Variants in PRR12 observed in about 807,000 individuals in gnomAD.
PRR12 encodes the protein proline-rich protein 12.
Under a neutral mutation model 138.0 loss-of-function variants are expected in PRR12, and 12 were observed. The ratio of observed to expected loss-of-function variants is 0.09; its 90% confidence interval spans 0.06 to 0.14. The LOEUF (loss-of-function observed/expected upper bound fraction) is 0.14. Among genes scored for constraint, PRR12 ranks in the 10% least tolerant of loss-of-function variants. The probability of loss-of-function intolerance (pLI) is 1.00; values close to 1 mark genes in which losing one functional copy is unlikely to be tolerated. For missense variants in PRR12, 2,692 were observed against 2,861.3 expected (o/e 0.94, Z 1.35); for synonymous variants, 1,567 against 1,291.7 (o/e 1.21, Z -4.57).
At position 49,597,517 on chromosome 19, in the gene PRR12, C is replaced by T. The variant is rs1230141342; in HGVS notation, c.3182C>T (p.Ser1061Leu). 2.6e-6 allele frequency: 4 copies of T among 1,557,832 alleles called. No homozygotes were observed. The highest frequency in any genetic ancestry group is 1.4e-5 in the African/African-American group (1 of 73,174). ...TCCGAACCCAAGGGTGGCCTCACCT[C>T]GCCCATCTTCTGCTCTACCAAGCCA... ...PASEPKGGLTSPIFCSTKPKK... is the reference protein window; with the variant it reads ...PASEPKGGLTLPIFCSTKPKK... Residue 1061 changes from serine to leucine, a missense_variant, in exon 4 of 14, where the codon TCG (serine) becomes TTG (leucine). By Grantham distance (145) the Ser-to-Leu change is moderately radical. This residue lies in a region of PRR12 where 840 missense variants were observed against 689.8 expected (regional missense o/e 1.22). Transcript: ENST00000418929. This position sits in a 1 kb window ranked among gnomAD's most constrained non-coding sequence, Gnocchi z 6.3.
intron 5 of PRR12, 88 bp downstream of exon 5, chr19:49,600,026 G>T: frequency 7.5e-7 from 1 of 1,331,006 alleles, no homozygotes; most frequent in South Asian, 1.5e-5. Flanking sequence ...CACTGTTTAA[G>T]AGACACCATT....
Position 49,597,521 on chromosome 19 carries a change from C to G in PRR12, c.3186C>G (p.Pro1062=), listed in dbSNP as rs749634586. 7.7e-6 allele frequency: 12 copies of G among 1,561,090 alleles called. No homozygotes were observed. In the East Asian group the frequency reaches 2.9e-4, roughly 38 times the overall value. ...ASEPKGGLTS[P]IFCSTKPKKL... is the part of the protein sequence containing the mutation. ...AACCCAAGGGTGGCCTCACCTCGCC[C>G]ATCTTCTGCTCTACCAAGCCAAAGA... is the stretch of plus-strand genomic sequence containing the variant. The change falls in exon 4 of 14, where the codon CCC becomes CCG. Residue 1062 remains proline (P), a synonymous_variant. Coordinates refer to ENST00000418929, the MANE Select transcript of PRR12 (RefSeq NM_020719.3). This position sits in a 1 kb window ranked among gnomAD's most constrained non-coding sequence, Gnocchi z 6.3.
At position 49,597,704 on chromosome 19, in the gene PRR12, C is replaced by A. The variant is rs764097635; in HGVS notation, c.3369C>A (p.Asp1123Glu). 6.2e-7 allele frequency: 1 copy of A among 1,606,844 alleles called. No homozygotes were observed. The highest frequency in any genetic ancestry group is 8.5e-7 in the Non-Finnish European group (1 of 1,177,862). The change falls in exon 4 of 14, where the codon GAC becomes GAA. Residue 1123 changes from aspartate (D) to glutamate (E), a missense_variant. Asp to Glu is a conservative substitution (Grantham distance 45, BLOSUM62 2). Around this residue, in one of 11 missense-constraint regions of PRR12, gnomAD observed 326 missense variants for 344.2 expected, o/e 0.95. Coordinates refer to ENST00000418929, the MANE Select transcript of PRR12 (RefSeq NM_020719.3). The surrounding 1 kb of genome is among the most constrained non-coding windows in gnomAD (Gnocchi z 6.3). Reference protein sequence around the residue: ...DIRLNPRRLPDLVSSCRSRPA... With the variant: ...DIRLNPRRLPELVSSCRSRPA... ...GCCTCAACCCCCGGCGCTTGCCTGA[C>A]CTGGTCTCCAGCTGCCGCTCCCGTC...
rs777282282 is a variant in PRR12, at chr19:49,598,046, G to A, written c.3678+33G>A. ...GAAATGGGGTCTTGTAGGGGATAGG[G>A]GAGGAGGAGCTGTGTCCGATGTTTG... On this transcript the variant is annotated intron_variant, in intron 4 of 13. Transcript: ENST00000418929. The A allele has an allele frequency of 3.1e-4, 408 of 1,308,668 alleles. 1 individual carries two copies. In the South Asian group the frequency reaches 5.6e-3, roughly 18 times the overall value. 81.1% of individuals were successfully genotyped at this position (1,308,668 alleles called of 1,614,324 possible). A position where few individuals can be genotyped will look rare whatever the true frequency, so the allele number is the denominator to read the frequency against.
chr19:49,596,546 G>A lies in PRR12; in HGVS notation c.2211G>A (p.Glu737=). The change falls in exon 4 of 14, where the codon GAG becomes GAA. Residue 737 remains glutamate, a synonymous_variant. Coordinates refer to ENST00000418929, the MANE Select transcript of PRR12 (RefSeq NM_020719.3). This position sits in a 1 kb window ranked among gnomAD's most constrained non-coding sequence, Gnocchi z 5.6. ...EKKKGPERGG[E]TPEGLATSVV... is the part of the protein sequence containing the mutation. ...AGAAAGGGCCAGAGCGGGGTGGCGAGACCCCCGAGGGGCTGGCCACCTCTG... is the reference window on the plus strand; with the variant it reads ...AGAAAGGGCCAGAGCGGGGTGGCGAAACCCCCGAGGGGCTGGCCACCTCTG... 1 of 1,607,186 alleles carries A rather than the reference G, an allele frequency of 6.2e-7. No individual in the cohort carries two copies. Among genetic ancestry groups the A allele is most frequent in the Non-Finnish European group, 8.5e-7 (1 of 1,177,416 alleles).
chr19:49,592,042 T>TC (rs761611591), intron 1 of PRR12, among the ~76,000 whole-genome samples: 2 of 151,556 alleles, frequency 1.3e-5, no homozygotes, highest in Non-Finnish European at 2.9e-5. Flanking sequence ...GGCCTGGACT[T>TC]CCCCCCATCC....
chr19:49,610,546 A>ATTTTTTTTTTTTTTTTTT (rs922178889), intron 6 of PRR12, among the ~76,000 whole-genome samples: 1 of 121,650 alleles, frequency 8.2e-6, no homozygotes. Flanking sequence ...CCCTGTTCCT[A>ATTTTTTTTTTTTTTTTTT]TTTTTTTTTT....
At chr19:49,621,216 TG>T (rs2080921554) in intron 10 of PRR12, among the ~76,000 whole-genome samples, 1 of 80,828 alleles carries the variant, frequency 1.2e-5, no homozygotes, top group Admixed American at 1.5e-4. Context: ...GAGGAGGGGC[TG>T]GGGGTCTGGA....
chr19:49,599,240 G>A lies in PRR12; in HGVS notation c.3679-32G>A. 6.6e-7 allele frequency: 1 copy of A among 1,525,790 alleles called. No individual in the cohort carries two copies. The highest frequency in any genetic ancestry group is 2.1e-5 in the Admixed American group (1 of 48,136). 94.5% of individuals were successfully genotyped at this position (1,525,790 alleles called of 1,614,324 possible). ...GATGGGACTGGGGGCCCAGGCTACT[G>A]GGCCCTCACGGCCCGCCACTCCCAT... is the stretch of plus-strand genomic sequence containing the variant. On this transcript the variant is annotated intron_variant, in intron 4 of 13. Transcript: ENST00000418929. The surrounding 1 kb of genome is among the most constrained non-coding windows in gnomAD (Gnocchi z 5.0).
chr19:49,597,286 C>A lies in PRR12; in HGVS notation c.2951C>A (p.Pro984His), dbSNP rs1266720095. ...GCTGGCGCTGGGCCACCCCCCGGCCCCCCTGCTTATGATCCCTATGGGCCC... is the reference window on the plus strand; with the variant it reads ...GCTGGCGCTGGGCCACCCCCCGGCCACCCTGCTTATGATCCCTATGGGCCC... The part of the protein sequence containing the change: ...PKAGAGPPPG[P>H]PAYDPYGPYC... Residue 984 changes from proline to histidine, a missense_variant, in exon 4 of 14, where the codon CCC becomes CAC. Pro to His is a moderately conservative substitution (Grantham distance 77). Around this residue, in one of 11 missense-constraint regions of PRR12, gnomAD observed 840 missense variants for 689.8 expected, o/e 1.22. Coordinates refer to ENST00000418929, the MANE Select transcript of PRR12 (RefSeq NM_020719.3). The surrounding 1 kb of genome is among the most constrained non-coding windows in gnomAD (Gnocchi z 6.3). 5 of 1,562,340 alleles carry A rather than the reference C, an allele frequency of 3.2e-6. No individual in the cohort carries two copies. In the East Asian group the frequency reaches 1.2e-4, roughly 37 times the overall value.
chr19:49,604,380 G>C (rs1209702794), intron 6 of PRR12, among the ~76,000 whole-genome samples: 1 of 147,660 alleles, frequency 6.8e-6, no homozygotes, highest in East Asian at 2.0e-4. Context: ...AAAAAAAAAA[G>C]GATATTGACA....
At position 49,616,140 on chromosome 19, in the gene PRR12, C is replaced by A; in HGVS notation, c.5418C>A (p.Gly1806=). Residue 1806 remains glycine (G), a synonymous_variant, in exon 9 of 14, where the codon GGC becomes GGA. Coordinates refer to ENST00000418929, the MANE Select transcript of PRR12 (RefSeq NM_020719.3). The surrounding 1 kb of genome is among the most constrained non-coding windows in gnomAD (Gnocchi z 4.2). ...GGAAGAAATGGCTGAAGGAGGCAGG[C>A]GGCAACGCTACAGCAGGCGGGGGCC... The part of the protein sequence containing the change: ...KKRKKWLKEA[G]GNATAGGGPP... 1.3e-6 allele frequency: 2 copies of A among 1,566,180 alleles called. No homozygotes were observed. Among genetic ancestry groups the A allele is most frequent in the South Asian group, 1.2e-5 (1 of 84,778 alleles).
At chr19:49,598,535 C>G (rs780131910) in intron 4 of PRR12, among the ~76,000 whole-genome samples, 4 of 152,122 alleles carry the variant, frequency 2.6e-5, no homozygotes, top group Non-Finnish European at 5.9e-5. Context: ...AATTCTGAAT[C>G]TAGGCTGGGC....
intron 6 of PRR12, among the ~76,000 whole-genome samples, chr19:49,610,120 G>A (rs1300118071): frequency 4.0e-5 from 6 of 151,858 alleles, no homozygotes; most frequent in South Asian, 2.1e-4. Context: ...GATTACAGGC[G>A]CCTGCCACCA....
rs1408067360 is a variant in PRR12 at position 49,595,450 on chromosome 19, G to C, written c.1115G>C (p.Gly372Ala). Residue 372 changes from glycine (G) to alanine (A), a missense_variant, in exon 4 of 14, where the codon GGG becomes GCG. Physicochemically the swap from Gly to Ala is moderately conservative, Grantham distance 60. This residue lies in a region of PRR12 where 523 missense variants were observed against 496.4 expected (regional missense o/e 1.05). Transcript: ENST00000418929. ...GGCCCTGAGGCAGCAGGGGGCGGTG[G>C]GGCTGGGGGTGGTGGTGGAGGTTAC... ...ATGPEAAGGG[G>A]AGGGGGGYRP... is the part of the protein sequence containing the mutation. 3 of 1,548,458 alleles carry C rather than the reference G, an allele frequency of 1.9e-6. No individual in the cohort carries two copies. The Admixed American group carries it at 5.9e-5, about 30-fold the overall frequency.
chr19:49,593,068 C>T (rs1442134753), intron 1 of PRR12, among the ~76,000 whole-genome samples: 9 of 152,278 alleles, frequency 5.9e-5, no homozygotes, highest in African/African-American at 2.2e-4. Context: ...AGTCTCGTCT[C>T]TGAGCATGCC....
At chr19:49,622,928 T>TATATATATATATAGAG (rs1320368074) in intron 11 of PRR12, among the ~76,000 whole-genome samples, 1 of 77,764 alleles carries the variant, frequency 1.3e-5, no homozygotes, top group African/African-American at 7.9e-5. Flanking sequence ...TATATATATA[T>TATATATATATATAGAG]AGAGAGAGAG....
intron 6 of PRR12, among the ~76,000 whole-genome samples, chr19:49,610,790 G>C (rs8102888): frequency 4.6e-5 from 7 of 151,516 alleles, no homozygotes; most frequent in Admixed American, 4.6e-4. Flanking sequence ...TGATCCGCCC[G>C]CCTTGGCCTC....
At position 49,616,720 on chromosome 19, in the gene PRR12, C is replaced by T. The variant is rs559138635; in HGVS notation, c.5497+501C>T. On this transcript the variant is annotated intron_variant, in intron 9 of 13. Transcript: ENST00000418929. This position sits in a 1 kb window ranked among gnomAD's most constrained non-coding sequence, Gnocchi z 4.2. ...ACCTCTTGTGCCTTAGTGACCTCACCTGTAAAATGGGTTCATAATAGACGA... is the reference window on the plus strand; with the variant it reads ...ACCTCTTGTGCCTTAGTGACCTCACTTGTAAAATGGGTTCATAATAGACGA... Among the ~76,000 whole-genome samples, 1 of 152,218 alleles carries T rather than the reference C, an allele frequency of 6.6e-6. No homozygotes were observed.
Sources: gnomAD v4.1 joint callset for allele counts (sites outside exome capture counted in the v4.1 genomes callset) on GRCh38, gnomAD v4.1.1 for gene constraint, gnomAD v4.1.1 regional missense constraint, Gnocchi (gnomAD v3.1) non-coding constraint, MANE v1.5 for transcripts, NCBI Gene and HGNC (gene_info 2026-07-23, HGNC 2026-07-21) for gene names.